RESF1: variants seen among roughly 807,000 people sequenced by gnomAD.
RESF1 encodes retroelement silencing factor 1.
A neutral mutation model predicts 134.7 loss-of-function variants in RESF1; 65 were observed. The observed-to-expected ratio is 0.48, with a 90% CI of 0.40 to 0.59. The LOEUF is 0.59. Among genes scored for constraint, RESF1 ranks in the 20% least tolerant of loss-of-function variants. The pLI is 0.00. For synonymous variants in RESF1, 762 were observed against 702.2 expected (o/e 1.09, Z -1.35); for missense variants, 2,274 against 2,002.7 (o/e 1.14, Z -2.59).
chr12:31,988,475 A>T (rs1940022696), intron 5 of RESF1, among the ~76,000 whole-genome samples: 1 of 152,212 alleles, frequency 6.6e-6, no homozygotes. Context: ...GGTATGCTTT[A>T]GGTTATATAC....
chr12:31,972,689 T>C (rs1939539369), intron 3 of RESF1, among the ~76,000 whole-genome samples: 1 of 151,350 alleles, frequency 6.6e-6, no homozygotes, highest in Admixed American at 6.6e-5. Flanking sequence ...TTCATATAGA[T>C]AGTCTTGGAA....
rs1003107920 is a variant in RESF1 at position 31,986,062 on chromosome 12, T to C, written c.5002+105T>C. The stretch of plus-strand genomic sequence containing the variant: ...TGTCTTGGGCTGCTGGGAAAGACTT[T>C]AATGTGTTATGCCACTACCTAGTAT... On this transcript the variant is annotated intron_variant, in intron 4 of 5. Transcript: ENST00000312561. 35 of 608,826 alleles carry C rather than the reference T, an allele frequency of 5.7e-5. No individual in the cohort carries two copies. The Admixed American group carries it at 8.2e-4, about 14-fold the overall frequency. 37.7% of individuals were successfully genotyped at this position (608,826 alleles called of 1,614,324 possible).
At position 31,981,935 on chromosome 12, in the gene RESF1, C is replaced by G. The variant is rs781467314; in HGVS notation, c.980C>G (p.Pro327Arg). ...RTSFQQQWQN[P>R]NENVSTIGNF... ...AGCTTTCAACAGCAGTGGCAAAACC[C>G]TAATGAAAATGTCAGCACAATTGGA... Residue 327 changes from proline (P) to arginine (R), a missense_variant, in exon 4 of 6, where the codon CCT becomes CGT. Transcript: ENST00000312561. The G allele has an allele frequency of 3.8e-5, 61 of 1,614,088 alleles. No homozygotes were observed. The highest frequency in any genetic ancestry group is 4.7e-5 in the Non-Finnish European group (55 of 1,180,048).
Position 31,984,802 on chromosome 12 carries a change from T to C in RESF1, c.3847T>C (p.Cys1283Arg), listed in dbSNP as rs146156091. The C allele has an allele frequency of 8.1e-6, 13 of 1,609,594 alleles. No individual in the cohort carries two copies. The African/African-American group carries it at 1.5e-4, about 18-fold the overall frequency. ...ELVAGQFSSKCDKLNPLQNHK... is the reference protein window; with the variant it reads ...ELVAGQFSSKRDKLNPLQNHK... ...AGTTGCTGGTCAGTTTTCATCTAAATGTGATAAACTAAATCCCTTGCAAAA... is the reference window on the plus strand; with the variant it reads ...AGTTGCTGGTCAGTTTTCATCTAAACGTGATAAACTAAATCCCTTGCAAAA... Residue 1283 changes from cysteine (C) to arginine (R), a missense_variant, in exon 4 of 6, where the codon TGT (cysteine) becomes CGT (arginine). Coordinates refer to ENST00000312561, the MANE Select transcript of RESF1 (RefSeq NM_018169.4).
intron 4 of RESF1, among the ~76,000 whole-genome samples, chr12:31,986,218 CAGTT>C (rs1342339055): frequency 6.6e-6 from 1 of 152,136 alleles, no homozygotes; most frequent in Non-Finnish European, 1.5e-5. Context: ...AGAAATATTT[CAGTT>C]AGTACCAAGA....
chr12:31,967,966 G>A (rs778570337), intron 2 of RESF1, among the ~76,000 whole-genome samples: 6 of 152,194 alleles, frequency 3.9e-5, no homozygotes, highest in Non-Finnish European at 8.8e-5. Context: ...AATTTTTTCT[G>A]TGACTAAGGT....
intron 5 of RESF1, among the ~76,000 whole-genome samples, chr12:31,989,795 T>G (rs1338354108): frequency 6.6e-6 from 1 of 152,128 alleles, no homozygotes; most frequent in Non-Finnish European, 1.5e-5. Flanking sequence ...GAGGTTCCAG[T>G]GAGCTGAGAT....
intron 5 of RESF1, among the ~76,000 whole-genome samples, chr12:31,989,476 CAAT>C (rs1194337262): frequency 6.8e-6 from 1 of 146,786 alleles, no homozygotes; most frequent in African/African-American, 2.5e-5. Flanking sequence ...CCAAGAGAAA[CAAT>C]AAGAAGCACA....
intron 4 of RESF1, 121 bp downstream of exon 4, chr12:31,986,078 T>A: frequency 2.0e-6 from 1 of 509,774 alleles, no homozygotes; most frequent in Non-Finnish European, 3.1e-6. Context: ...GTTATGCCAC[T>A]ACCTAGTATT....
At chr12:31,962,789 G>A (rs1477375420) in intron 2 of RESF1, among the ~76,000 whole-genome samples, 1 of 152,214 alleles carries the variant, frequency 6.6e-6, no homozygotes, top group African/African-American at 2.4e-5. Flanking sequence ...TTCATTAGAT[G>A]ACATACTTTT....
intron 3 of RESF1, among the ~76,000 whole-genome samples, chr12:31,979,897 C>A (rs954754295): frequency 1.6e-4 from 24 of 151,432 alleles, no homozygotes; most frequent in African/African-American, 5.8e-4. Context: ...CCCCCCACCA[C>A]TTTATGGAGG....
At chr12:31,986,685 C>T (rs915592516) in intron 4 of RESF1, among the ~76,000 whole-genome samples, 1 of 152,126 alleles carries the variant, frequency 6.6e-6, no homozygotes, top group Non-Finnish European at 1.5e-5. Context: ...AACATTTAGA[C>T]ATAGTGGATA....
chr12:31,974,843 CT>C (rs2120810720), intron 3 of RESF1, among the ~76,000 whole-genome samples: 1 of 151,938 alleles, frequency 6.6e-6, no homozygotes, highest in South Asian at 2.1e-4. Flanking sequence ...TGCTTCCAAC[CT>C]TGTGGACTAG....
chr12:31,968,744 G>C (rs531187891), intron 2 of RESF1, among the ~76,000 whole-genome samples: 1 of 152,254 alleles, frequency 6.6e-6, no homozygotes, highest in East Asian at 1.9e-4. Flanking sequence ...CACCGCGCCC[G>C]GCCTAGGACT....
chr12:31,965,905 A>AAG (rs1223464061), intron 2 of RESF1, among the ~76,000 whole-genome samples: 2 of 151,818 alleles, frequency 1.3e-5, no homozygotes, highest in African/African-American at 2.4e-5. Context: ...AAAAAAAAAA[A>AAG]AAGAAGTGAT....
In RESF1 at chr12:31,981,635, C is replaced by G; in HGVS notation, c.680C>G (p.Pro227Arg). The G allele has an allele frequency of 6.2e-7, 1 of 1,614,060 alleles. No individual in the cohort carries two copies. Among genetic ancestry groups the G allele is most frequent in the Non-Finnish European group, 8.5e-7 (1 of 1,179,990 alleles). ...LYRYSPQSFL[P>R]DSTIQKQNFI... Reference sequence around the variant, plus strand: ...CGTTACTCACCACAAAGCTTTTTACCAGATTCTACCATTCAAAAACAAAAC... The same window carrying G: ...CGTTACTCACCACAAAGCTTTTTACGAGATTCTACCATTCAAAAACAAAAC... The change falls in exon 4 of 6, where the codon CCA becomes CGA. Residue 227 changes from proline to arginine, a missense_variant. Transcript: ENST00000312561.
intron 2 of RESF1, among the ~76,000 whole-genome samples, chr12:31,969,026 G>A (rs1422480100): frequency 6.6e-6 from 1 of 151,970 alleles, no homozygotes; most frequent in Non-Finnish European, 1.5e-5. Flanking sequence ...CTGCACTCTC[G>A]ACTTCCCATG....
rs1939923064 is a variant in RESF1, at chr12:31,984,843, A to G, written c.3888A>G (p.Lys1296=). 6.2e-7 allele frequency: 1 copy of G among 1,602,136 alleles called. No homozygotes were observed. The highest frequency in any genetic ancestry group is 1.8e-5 in the Admixed American group (1 of 56,482). The change falls in exon 4 of 6, where the codon AAA becomes AAG. Residue 1296 remains lysine (K), a synonymous_variant. Coordinates refer to ENST00000312561, the MANE Select transcript of RESF1 (RefSeq NM_018169.4). ...CCTTGCAAAATCACAAAAGAAAAAA[A>G]TTGAGGTTTCACGAGGTAACCTTTC... ...LNPLQNHKRK[K]LRFHEVTFHS...
chr12:31,981,122 C>T lies in RESF1; in HGVS notation c.167C>T (p.Ser56Leu). The change falls in exon 4 of 6, where the codon TCA becomes TTA. Residue 56 changes from serine (S) to leucine (L), a missense_variant. Transcript: ENST00000312561. ...NQEACMYPGN[S>L]NPISQPLLNI... is the part of the protein sequence containing the mutation. ...GAAGCATGCATGTATCCCGGTAATT[C>T]AAATCCAATTTCACAGCCACTGCTG... The T allele has an allele frequency of 6.2e-7, 1 of 1,614,154 alleles. No homozygotes were observed. The highest frequency in any genetic ancestry group is 8.5e-7 in the Non-Finnish European group (1 of 1,180,008).
Sources: allele counts gnomAD v4.1 joint callset (sites outside exome capture counted in the v4.1 genomes callset), GRCh38; gene constraint gnomAD v4.1.1; transcripts MANE v1.5; gene names NCBI Gene and HGNC (gene_info 2026-07-23, HGNC 2026-07-21).